ZDHHC7: variants seen among roughly 807,000 people sequenced by gnomAD.
ZDHHC7 encodes the protein zDHHC palmitoyltransferase 7.
ZDHHC7 carries 12 observed loss-of-function variants against 34.1 expected under a neutral mutation model. That is an observed-to-expected ratio of 0.35 (90% confidence interval 0.23 to 0.57). The LOEUF is 0.57. Ranked by LOEUF, ZDHHC7 falls within the 20% of genes least tolerant of loss-of-function variation. The pLI, the probability that ZDHHC7 is intolerant of heterozygous loss-of-function variation, is 0.84. For synonymous variants in ZDHHC7, 185 were observed against 155.4 expected (o/e 1.19, Z -1.42); for missense variants, 388 against 402.7 (o/e 0.96, Z 0.31).
chr16:85,010,403 T>C (rs1204209005), intron 1 of ZDHHC7, among the ~76,000 whole-genome samples: 1 of 152,222 alleles, frequency 6.6e-6, no homozygotes, highest in Non-Finnish European at 1.5e-5. Flanking sequence ...AGATTCTTCA[T>C]CTGTGAGATG....
At chr16:85,022,161 A>G in the ZDHHC7 span, among the ~76,000 whole-genome samples, 1 of 146,636 alleles carries the variant, frequency 6.8e-6, no homozygotes. Context: ...CTCTGTCTCA[A>G]AAAAAAAAAA....
At chr16:84,994,447 C>G (rs1365549789) in intron 2 of ZDHHC7, among the ~76,000 whole-genome samples, 1 of 152,194 alleles carries the variant, frequency 6.6e-6, no homozygotes, top group Non-Finnish European at 1.5e-5. Context: ...GGGTGCTTTC[C>G]AGGCAGTAAA....
chr16:85,012,736 C>T (rs950306074), upstream of ZDHHC7, among the ~76,000 whole-genome samples: 1 of 151,994 alleles, frequency 6.6e-6, no homozygotes, highest in African/African-American at 2.4e-5. Flanking sequence ...GAAACCCCAT[C>T]TCTACTAAAA....
At chr16:85,015,653 GC>G (rs983595004), upstream of ZDHHC7, among the ~76,000 whole-genome samples, 16 of 152,050 alleles carry the variant, frequency 1.1e-4, no homozygotes, top group Non-Finnish European at 1.6e-4. Context: ...TTTGAGACCA[GC>G]CTGAGAAATG....
chr16:85,015,745 T>C (rs1163103890), upstream of ZDHHC7, among the ~76,000 whole-genome samples: 1 of 151,540 alleles, frequency 6.6e-6, no homozygotes, highest in African/African-American at 2.4e-5. Context: ...CTCAAGGGGG[T>C]TGAAGTGGGA....
Position 84,976,284 on chromosome 16 carries a change from C to G in ZDHHC7, c.*59G>C. 1 of 1,602,482 alleles carries G rather than the reference C, an allele frequency of 6.2e-7. No individual in the cohort carries two copies. The highest frequency in any genetic ancestry group is 8.5e-7 in the Non-Finnish European group (1 of 1,175,418). ...TCACAGATGAGCTGTTGATATCCTTCAGACCCCAAATAAATAACTGGAAGT... is the reference window on the plus strand; with the variant it reads ...TCACAGATGAGCTGTTGATATCCTTGAGACCCCAAATAAATAACTGGAAGT... On this transcript the variant is annotated 3_prime_UTR_variant, in exon 8 of 8. Transcript: ENST00000313732.
chr16:85,024,912 C>CT, the ZDHHC7 span, among the ~76,000 whole-genome samples: 1 of 152,134 alleles, frequency 6.6e-6, no homozygotes, highest in Non-Finnish European at 1.5e-5. Flanking sequence ...AGAGAAGATC[C>CT]TTTTTTCCAT....
At chr16:85,025,102 C>A in the ZDHHC7 span, among the ~76,000 whole-genome samples, 1 of 151,854 alleles carries the variant, frequency 6.6e-6, no homozygotes, top group South Asian at 2.1e-4. Context: ...CATGGTGAAA[C>A]CCCCATCTCT....
chr16:84,996,051 T>C (rs1305441759), intron 1 of ZDHHC7, 44 bp from the exon 2 acceptor site: 1 of 152,218 alleles, frequency 6.6e-6, no homozygotes, highest in Non-Finnish European at 1.5e-5. Flanking sequence ...ATTTATTTTA[T>C]GACAGACGTG....
chr16:84,976,784 A>C (rs1299256760), intron 7 of ZDHHC7, among the ~76,000 whole-genome samples: 1 of 152,224 alleles, frequency 6.6e-6, no homozygotes, highest in Non-Finnish European at 1.5e-5. Flanking sequence ...CTGTGTACAG[A>C]CATTTACTGA....
intron 3 of ZDHHC7, 43 bp from the exon 4 acceptor site, chr16:84,982,037 G>A (rs1417623161): frequency 6.2e-7 from 1 of 1,611,726 alleles, no homozygotes; most frequent in Admixed American, 1.7e-5. Flanking sequence ...GAGAATGAAA[G>A]TTAAAAACAT....
In ZDHHC7 at chr16:84,993,603, C is replaced by T. The variant is rs550198673; in HGVS notation, c.-18+2319G>A. Among the ~76,000 whole-genome samples, 22 of 151,730 alleles carry T rather than the reference C, an allele frequency of 1.4e-4. 1 individual carries two copies. The highest frequency in any genetic ancestry group is 5.3e-4 in the African/African-American group (22 of 41,374). On this transcript the variant is annotated intron_variant, in intron 2 of 7. Transcript: ENST00000313732. ...GCTACAGTGAGCCACAATCCCACCA[C>T]TGCAGTCCAGCCTGGGCAACAGAGT... is the stretch of plus-strand genomic sequence containing the variant.
chr16:84,993,224 G>A (rs548864895), intron 2 of ZDHHC7, among the ~76,000 whole-genome samples: 7 of 152,172 alleles, frequency 4.6e-5, no homozygotes, highest in East Asian at 1.9e-4. Flanking sequence ...GGGAGGCTGA[G>A]GGGGGAAGAT....
At chr16:85,019,959 G>A in the ZDHHC7 span, among the ~76,000 whole-genome samples, 1 of 152,192 alleles carries the variant, frequency 6.6e-6, no homozygotes, top group Non-Finnish European at 1.5e-5. Context: ...ACCACCCTGT[G>A]AAATCTCTTT....
At chr16:85,002,290 C>T (rs575066747) in intron 1 of ZDHHC7, among the ~76,000 whole-genome samples, 4 of 151,656 alleles carry the variant, frequency 2.6e-5, no homozygotes, top group African/African-American at 4.8e-5. Flanking sequence ...CAGTTTCTAA[C>T]GAGTGGAGTA....
chr16:85,011,462 A>G lies in ZDHHC7; in HGVS notation c.-280T>C, dbSNP rs2072791306. On this transcript the variant is annotated 5_prime_UTR_variant, in exon 1 of 8. Coordinates refer to ENST00000313732, the MANE Select transcript of ZDHHC7 (RefSeq NM_017740.3). ...CCTGGGTCCCGCCGGGCAGGTCGGA[A>G]GGAGGCTGCAGCCAAGCAAATGCCT... 6.6e-6 allele frequency: 1 copy of G among 152,148 alleles called. No homozygotes were observed. Among genetic ancestry groups the G allele is most frequent in the Non-Finnish European group, 1.5e-5 (1 of 67,954 alleles). The allele number at this position is 152,148 out of a possible 1,614,324, so 9.4% of individuals were successfully genotyped here.
chr16:84,997,267 CTTTTTT>C (rs34612029), intron 1 of ZDHHC7, among the ~76,000 whole-genome samples: 1 of 111,308 alleles, frequency 9.0e-6, no homozygotes, highest in Admixed American at 9.9e-5. Flanking sequence ...CTAAATTTTC[CTTTTTT>C]TTTTTTTTTT....
At chr16:85,020,610 G>T in the ZDHHC7 span, among the ~76,000 whole-genome samples, 2 of 152,230 alleles carry the variant, frequency 1.3e-5, no homozygotes, top group Admixed American at 1.3e-4. Context: ...ACGCAGGCAG[G>T]TCCTACAGTA....
Position 84,990,436 on chromosome 16 carries a change from T to C in ZDHHC7, c.183A>G (p.Ala61=). The C allele has an allele frequency of 6.2e-7, 1 of 1,614,072 alleles. No homozygotes were observed. The highest frequency in any genetic ancestry group is 1.1e-5 in the South Asian group (1 of 91,078). The change falls in exon 3 of 8, where the codon GCA becomes GCG. Residue 61 remains alanine (A), a synonymous_variant. Coordinates refer to ENST00000313732, the MANE Select transcript of ZDHHC7 (RefSeq NM_017740.3). ...GCATGACGAAAGTCACCACGAAGTC[T>C]GCATAGGCGACCAGAAGCCACGTCA... ...AVMTWLLVAY[A]DFVVTFVMLL...
Sources: gnomAD v4.1 joint callset for allele counts (sites outside exome capture counted in the v4.1 genomes callset) on GRCh38, gnomAD v4.1.1 for gene constraint, MANE v1.5 for transcripts, NCBI Gene and HGNC (gene_info 2026-07-23, HGNC 2026-07-21) for gene names.